The following COL4A2 variants were observed in gnomAD, a reference collection of about 807,000 sequenced individuals.
COL4A2 encodes collagen alpha-2(IV) chain.
Under a neutral mutation model 200.2 loss-of-function variants are expected in COL4A2, and 99 were observed. That is an observed-to-expected ratio of 0.49 (90% CI 0.42 to 0.58). COL4A2 has a LOEUF of 0.58. COL4A2 is among the 20% of genes least tolerant of loss of function. COL4A2 has a pLI of 0.00. For missense variants in COL4A2, 1,950 were observed against 2,314.1 expected (o/e 0.84, Z 3.23); for synonymous variants, 897 against 900.6 (o/e 1.00, Z 0.07).
intron 4 of COL4A2, among the ~76,000 whole-genome samples, chr13:110,398,010 G>A (rs1364180669): frequency 6.6e-6 from 1 of 151,910 alleles, no homozygotes; most frequent in Non-Finnish European, 1.5e-5. Flanking sequence ...AGGCTAAAGC[G>A]AAAGATCAAC....
intron 4 of COL4A2, among the ~76,000 whole-genome samples, chr13:110,398,202 G>T (rs753962594): frequency 6.6e-6 from 1 of 151,526 alleles, no homozygotes; most frequent in African/African-American, 2.4e-5. Context: ...TCCTTTAGGT[G>T]GGGGGAAGAT....
Position 110,407,748 on chromosome 13 carries a change from C to T in COL4A2, c.181-16986C>T, listed in dbSNP as rs1474563625. Among the ~76,000 whole-genome samples the T allele has an allele frequency of 2.6e-5, 4 of 152,044 alleles. 1 individual carries two copies. The highest frequency in any genetic ancestry group is 1.3e-4 in the Admixed American group (2 of 15,270). On this transcript the variant is annotated intron_variant, in intron 4 of 47. Transcript: ENST00000360467. ...AACGGCAGACTCCGGAGATGCTTGG[C>T]GGAAAGCCCAGTGGAATCAGTGCCC...
At chr13:110,312,015 G>T (rs887575869) in intron 3 of COL4A2, among the ~76,000 whole-genome samples, 2 of 152,222 alleles carry the variant, frequency 1.3e-5, no homozygotes, top group African/African-American at 2.4e-5. Context: ...GAGGAGAGGT[G>T]TTCATGCCGC....
chr13:110,490,463 G>T (rs1032311199), intron 36 of COL4A2, among the ~76,000 whole-genome samples: 1 of 152,218 alleles, frequency 6.6e-6, no homozygotes, highest in South Asian at 2.1e-4. Context: ...GTTGGCCAGT[G>T]GGGAGACTGC....
chr13:110,451,861 T>C lies in COL4A2; in HGVS notation c.1339+1407T>C, dbSNP rs180831819. On this transcript the variant is annotated intron_variant, in intron 20 of 47. Coordinates refer to ENST00000360467, the MANE Select transcript of COL4A2 (RefSeq NM_001846.4). ...AAAAATTGGACACTCCTGCTTTCGA[T>C]GTTGTGAAATGCCTAATAGGAATAT... is the stretch of plus-strand genomic sequence containing the variant. Among the ~76,000 whole-genome samples the C allele has an allele frequency of 9.1e-4, 138 of 152,344 alleles. 1 individual carries two copies. The highest frequency in any genetic ancestry group is 3.2e-3 in the African/African-American group (131 of 41,578).
At chr13:110,446,937 G>A in intron 18 of COL4A2, 73 bp downstream of exon 18, 1 of 1,266,824 alleles carries the variant, frequency 7.9e-7, no homozygotes, top group Non-Finnish European at 1.1e-6. Flanking sequence ...ACAGAGCTAT[G>A]AACTTTCAAG....
intron 3 of COL4A2, among the ~76,000 whole-genome samples, chr13:110,336,675 C>A (rs148275196): frequency 5.5e-4 from 83 of 152,270 alleles, no homozygotes; most frequent in African/African-American, 2.0e-3. Flanking sequence ...AGGACATGGA[C>A]CTCAGGGGGT....
chr13:110,475,069 C>T (rs1245964039), intron 29 of COL4A2, among the ~76,000 whole-genome samples: 2 of 152,240 alleles, frequency 1.3e-5, no homozygotes, highest in African/African-American at 4.8e-5. Flanking sequence ...TGATCACACA[C>T]TCACATACAC....
intron 29 of COL4A2, among the ~76,000 whole-genome samples, chr13:110,477,738 A>C (rs1020165411): frequency 2.0e-5 from 3 of 152,262 alleles, no homozygotes; most frequent in East Asian, 1.9e-4. Flanking sequence ...CTATACTTAT[A>C]GTGCCATGTC....
At chr13:110,467,838 A>C (rs1056999004) in intron 27 of COL4A2, among the ~76,000 whole-genome samples, 63 of 152,234 alleles carry the variant, frequency 4.1e-4, no homozygotes, top group African/African-American at 1.5e-3. Context: ...TCAGCCTGAG[A>C]AAAGCAAGTT....
At chr13:110,449,079 C>T (rs998459846) in intron 18 of COL4A2, among the ~76,000 whole-genome samples, 9 of 152,238 alleles carry the variant, frequency 5.9e-5, no homozygotes, top group African/African-American at 2.2e-4. Context: ...TTTTAAGGAA[C>T]TTCGTAAGAC....
chr13:110,386,726 T>C (rs1402757177), intron 4 of COL4A2, among the ~76,000 whole-genome samples: 1 of 152,214 alleles, frequency 6.6e-6, no homozygotes, highest in Admixed American at 6.5e-5. Flanking sequence ...CACTTCTATG[T>C]AGAGAGTACT....
intron 14 of COL4A2, 21 bp downstream of exon 14, chr13:110,438,058 G>A: frequency 1.2e-6 from 2 of 1,610,404 alleles, no homozygotes; most frequent in South Asian, 2.2e-5. Context: ...TAATGAGCAT[G>A]CCCCCTCCCC....
chr13:110,489,411 A>C, intron 34 of COL4A2, 34 bp from the exon 35 acceptor site: 1 of 1,609,432 alleles, frequency 6.2e-7, no homozygotes, highest in Middle Eastern at 1.7e-4. Flanking sequence ...GACTTCGCTA[A>C]CAGCCTTCTA....
intron 3 of COL4A2, among the ~76,000 whole-genome samples, chr13:110,355,325 GA>G (rs66502221): frequency 0.012 from 1,423 of 117,008 alleles, 382 homozygotes; most frequent in African/African-American, 0.12. Flanking sequence ...CTGTGTGTGG[GA>G]GAGGGCTGCA....
intron 21 of COL4A2, among the ~76,000 whole-genome samples, chr13:110,457,870 C>T (rs7317458): frequency 0.091 from 13,842 of 152,260 alleles, 708 homozygotes; most frequent in Middle Eastern, 0.16. Flanking sequence ...TACTGAGACT[C>T]GGTAGAGTGA....
chr13:110,357,720 G>A (rs1877343050), intron 4 of COL4A2, among the ~76,000 whole-genome samples, 168 bp downstream of exon 4: 1 of 152,178 alleles, frequency 6.6e-6, no homozygotes, highest in Non-Finnish European at 1.5e-5. Flanking sequence ...TACACACCCG[G>A]CTGTGTGATA....
chr13:110,414,587 C>G (rs1046501739), intron 4 of COL4A2, among the ~76,000 whole-genome samples: 5 of 152,250 alleles, frequency 3.3e-5, no homozygotes, highest in Non-Finnish European at 1.5e-5. Flanking sequence ...GCCGACCCCC[C>G]CGATCTCTCT....
chr13:110,352,668 G>A (rs1355780445), intron 3 of COL4A2, among the ~76,000 whole-genome samples: 1 of 152,220 alleles, frequency 6.6e-6, no homozygotes, highest in Admixed American at 6.5e-5. Flanking sequence ...GTTGAAGGAA[G>A]GTGCCGGATA....
Sources: allele counts gnomAD v4.1 joint callset (sites outside exome capture counted in the v4.1 genomes callset), GRCh38; gene constraint gnomAD v4.1.1; transcripts MANE v1.5; gene names NCBI Gene and HGNC (gene_info 2026-07-23, HGNC 2026-07-21).